RETREG3: variants seen among roughly 807,000 people sequenced by gnomAD.
The protein encoded by RETREG3 is reticulophagy regulator family member 3.
In RETREG3, 23 loss-of-function variants were observed where a neutral mutation model predicts 50.2. The ratio of observed to expected loss-of-function variants is 0.46; its 90% CI spans 0.33 to 0.65. The LOEUF (loss-of-function observed/expected upper bound fraction) is 0.65. Ranked by LOEUF, RETREG3 falls within the 30% of genes least tolerant of loss-of-function variation. The pLI, the probability that RETREG3 is intolerant of heterozygous loss-of-function variation, is 0.02. For synonymous variants in RETREG3, 240 were observed against 234.4 expected, an observed-to-expected ratio of 1.02 and a Z score of -0.22; for missense variants, 546 against 598.0, an observed-to-expected ratio of 0.91 and a Z score of 0.91.
At position 42,586,906 on chromosome 17, in the gene RETREG3, A is replaced by G; in HGVS notation, c.378-15T>C. On this transcript the variant is annotated splice_polypyrimidine_tract_variant and intron_variant, in intron 3 of 8. Coordinates refer to ENST00000309428, the MANE Select transcript of RETREG3 (RefSeq NM_178126.4). ...CAAAGCCCCAGCTATGGGAGAGAGAAGGGGGAGCTGTGAAAGGAGGGTGTT... is the reference window on the plus strand; with the variant it reads ...CAAAGCCCCAGCTATGGGAGAGAGAGGGGGGAGCTGTGAAAGGAGGGTGTT... 1 of 1,612,406 alleles carries G rather than the reference A, an allele frequency of 6.2e-7. No homozygotes were observed.
In RETREG3 at chr17:42,585,128, G is replaced by GTC. The variant is rs749230513; in HGVS notation, c.722_723dup (p.Gln242AspfsTer69). The GTC allele has an allele frequency of 5.0e-6, 8 of 1,611,028 alleles. No individual in the cohort carries two copies. Among genetic ancestry groups the GTC allele is most frequent in the Non-Finnish European group, 5.1e-6 (6 of 1,179,012 alleles). Reference sequence around the variant, plus strand: ...AGAATGACACCATGACACTTACATTGTCTCTCTCTCTGCTTGGACATCATG... The same window carrying GTC: ...AGAATGACACCATGACACTTACATTGTCTCTCTCTCTCTGCTTGGACATCATG... On this transcript the variant is annotated frameshift_variant, in exon 6 of 9. Coordinates refer to ENST00000309428, the MANE Select transcript of RETREG3 (RefSeq NM_178126.4). LOFTEE classifies it high-confidence loss of function.
rs759892862 is a variant in RETREG3 at position 42,581,810 on chromosome 17, G to T, written c.*3C>A. 1 of 1,563,216 alleles carries T rather than the reference G, an allele frequency of 6.4e-7. No homozygotes were observed. Among genetic ancestry groups the T allele is most frequent in the East Asian group, 2.3e-5 (1 of 44,332 alleles). On this transcript the variant is annotated 3_prime_UTR_variant, in exon 9 of 9. Coordinates refer to ENST00000309428, the MANE Select transcript of RETREG3 (RefSeq NM_178126.4). ...ACAGTGACTCCCAAAAGGAGTCTCT[G>T]CCTCAGTGGCTCCTAGAACTGGCAG...
chr17:42,602,439 G>T (rs2093160451), intron 1 of RETREG3, among the ~76,000 whole-genome samples: 1 of 151,908 alleles, frequency 6.6e-6, no homozygotes, highest in Admixed American at 6.6e-5. Flanking sequence ...ACGACTAATA[G>T]CCTTATGTAA....
At chr17:42,601,802 T>C (rs894953344) in intron 1 of RETREG3, among the ~76,000 whole-genome samples, 1 of 151,096 alleles carries the variant, frequency 6.6e-6, no homozygotes, top group South Asian at 2.1e-4. Context: ...CCCGGCTGAT[T>C]TGGCATTTTT....
intron 2 of RETREG3, among the ~76,000 whole-genome samples, chr17:42,589,106 CAAA>C (rs58887647): frequency 7.5e-6 from 1 of 132,838 alleles, no homozygotes; most frequent in African/African-American, 2.8e-5. Flanking sequence ...TGTCTCTAAC[CAAA>C]AAAAAAAAAA....
Position 42,586,060 on chromosome 17 carries a change from G to A in RETREG3, c.582C>T (p.Tyr194=). 6.2e-7 allele frequency: 1 copy of A among 1,614,102 alleles called. No individual in the cohort carries two copies. The highest frequency in any genetic ancestry group is 8.5e-7 in the Non-Finnish European group (1 of 1,179,978). ...GGTATATGTCATACTTACGCATCAA[G>A]TAGGACAGCAGAAGCCCAGGGACGT... ...GRYVPGLLLS[Y]LMLVTVMMWP... Residue 194 remains tyrosine (Y), a synonymous_variant, in exon 5 of 9, where the codon TAC becomes TAT. Transcript: ENST00000309428.
chr17:42,589,695 A>C (rs2093128713), intron 2 of RETREG3, among the ~76,000 whole-genome samples: 1 of 152,108 alleles, frequency 6.6e-6, no homozygotes, highest in African/African-American at 2.4e-5. Flanking sequence ...TGGCCTCCCA[A>C]AGTGCTGAGA....
At chr17:42,592,268 A>T in intron 1 of RETREG3, 106 bp from the exon 2 acceptor site, 2 of 855,656 alleles carry the variant, frequency 2.3e-6, no homozygotes, top group Non-Finnish European at 3.6e-6. Context: ...CTTGAGGTCT[A>T]GCTTTTTTTG....
At chr17:42,600,713 A>T (rs1024402514) in intron 1 of RETREG3, among the ~76,000 whole-genome samples, 13 of 152,224 alleles carry the variant, frequency 8.5e-5, no homozygotes, top group African/African-American at 3.1e-4. Flanking sequence ...AAATATTTTT[A>T]AAATGATCCA....
At chr17:42,586,200 A>G (rs1204215071) in intron 4 of RETREG3, 63 bp from the exon 5 acceptor site, 6 of 1,494,174 alleles carry the variant, frequency 4.0e-6, no homozygotes, top group Admixed American at 1.7e-5. Flanking sequence ...GTGGGTGTGA[A>G]GGGTTAGGGT....
chr17:42,599,095 G>C (rs776096909), intron 1 of RETREG3: 1 of 152,158 alleles, frequency 6.6e-6, no homozygotes, highest in Non-Finnish European at 1.5e-5. Flanking sequence ...CCTCCCTAGA[G>C]AGCCCTTTCA....
At position 42,582,085 on chromosome 17, in the gene RETREG3, C is replaced by G. The variant is rs760306651; in HGVS notation, c.1129G>C (p.Ala377Pro). The G allele has an allele frequency of 3.1e-6, 5 of 1,614,074 alleles. No individual in the cohort carries two copies. Among genetic ancestry groups the G allele is most frequent in the Non-Finnish European group, 3.4e-6 (4 of 1,180,006 alleles). ...PQAPPASRDE[A>P]ALPELLLGAL... The stretch of plus-strand genomic sequence containing the variant: ...CCAAGCAGGAGCTCCGGCAGCGCAG[C>G]CTCGTCCCGGCTGGCAGGTGGGGCC... Residue 377 changes from alanine to proline, a missense_variant, in exon 9 of 9, where the codon GCT becomes CCT. Physicochemically the swap from Ala to Pro is conservative, Grantham distance 27 (BLOSUM62 -1). Transcript: ENST00000309428.
chr17:42,583,109 C>T (rs1035144858), intron 7 of RETREG3, among the ~76,000 whole-genome samples: 1 of 152,098 alleles, frequency 6.6e-6, no homozygotes, highest in East Asian at 1.9e-4. Context: ...AGTCAATTAC[C>T]CACTTACTTT....
Position 42,580,212 on chromosome 17 carries a change from T to C in RETREG3, c.*1601A>G, listed in dbSNP as rs919832795. 6.6e-6 allele frequency: 1 copy of C among 152,400 alleles called. No homozygotes were observed. Among genetic ancestry groups the C allele is most frequent in the African/African-American group, 2.4e-5 (1 of 41,424 alleles). 9.4% of individuals were successfully genotyped at this position (152,400 alleles called of 1,614,324 possible). A position where few individuals can be genotyped will look rare whatever the true frequency, so the allele number is the denominator to read the frequency against. ...GCTGATTACAGCCACATTCTTACTA[T>C]TGGCTCATCCTTAAAGGAGGCCCCA... On this transcript the variant is annotated 3_prime_UTR_variant, in exon 9 of 9. Coordinates refer to ENST00000309428, the MANE Select transcript of RETREG3 (RefSeq NM_178126.4).
intron 4 of RETREG3, chr17:42,586,507 C>T: frequency 2.3e-6 from 1 of 426,676 alleles, no homozygotes. Flanking sequence ...AGAATGTACA[C>T]AAGAAAGCTT....
At chr17:42,594,807 C>T (rs868643018) in intron 1 of RETREG3, among the ~76,000 whole-genome samples, 17 of 151,724 alleles carry the variant, frequency 1.1e-4, no homozygotes, top group Admixed American at 4.6e-4. Flanking sequence ...GCTGAGATTG[C>T]GCTACTGCAC....
intron 1 of RETREG3, chr17:42,608,846 C>A: frequency 1.9e-6 from 1 of 536,106 alleles, no homozygotes; most frequent in Non-Finnish European, 3.3e-6. Flanking sequence ...GAAGCTCCCG[C>A]CAGATGTGCG....
At chr17:42,588,593 ACTC>A (rs1410433648) in intron 2 of RETREG3, among the ~76,000 whole-genome samples, 6 of 150,562 alleles carry the variant, frequency 4.0e-5, no homozygotes, top group South Asian at 2.1e-4. Flanking sequence ...CTGCTCTCGA[ACTC>A]CTCCACCTCC....
rs570020009 is a variant in RETREG3 at position 42,609,242 on chromosome 17, G to T, written c.83C>A (p.Ser28Tyr). The T allele has an allele frequency of 2.5e-5, 41 of 1,607,906 alleles. 1 individual carries two copies. The South Asian group carries it at 4.2e-4, about 16-fold the overall frequency. The change falls in exon 1 of 9, where the codon TCC (serine) becomes TAC (tyrosine). Residue 28 changes from serine to tyrosine, a missense_variant. Transcript: ENST00000309428. ...TFRGRRDVSG[S>Y]WERDQQVEAA... ...CTCAACCTGCTGGTCCCGCTCCCAGGAGCCTGACACATCTCGGCGGCCCCT... is the reference window on the plus strand; with the variant it reads ...CTCAACCTGCTGGTCCCGCTCCCAGTAGCCTGACACATCTCGGCGGCCCCT...
Sources: allele counts gnomAD v4.1 joint callset (sites outside exome capture counted in the v4.1 genomes callset), GRCh38; gene constraint gnomAD v4.1.1; transcripts MANE v1.5; gene names NCBI Gene and HGNC (gene_info 2026-07-23, HGNC 2026-07-21).